FIP1L1: variants seen among roughly 807,000 people sequenced by gnomAD.
FIP1L1 encodes pre-mRNA 3'-end-processing factor FIP1.
A neutral mutation model predicts 84.6 loss-of-function variants in FIP1L1; 21 were observed. The ratio of observed to expected loss-of-function variants is 0.25; its 90% CI spans 0.18 to 0.36. The LOEUF (loss-of-function observed/expected upper bound fraction) is 0.36. Among genes scored for constraint, FIP1L1 ranks in the 10% least tolerant of loss-of-function variants. FIP1L1 has a pLI of 1.00. For missense variants in FIP1L1, 526 were observed against 751.1 expected (o/e 0.70, Z 3.50); for synonymous variants, 263 against 242.3 (o/e 1.09, Z -0.80).
chr4:53,391,374 G>T, intron 8 of FIP1L1, 56 bp from the exon 9 acceptor site: 1 of 1,435,438 alleles, frequency 7.0e-7, no homozygotes, highest in Non-Finnish European at 9.8e-7. Context: ...TCTTTATATG[G>T]CCTATTAATT....
chr4:53,388,681 C>G (rs1286923429), intron 5 of FIP1L1, among the ~76,000 whole-genome samples: 1 of 152,120 alleles, frequency 6.6e-6, no homozygotes, highest in African/African-American at 2.4e-5. Context: ...CCTTCTTTGC[C>G]CATTCCCGTT....
At chr4:53,458,578 C>T (rs1720730970) in intron 16 of FIP1L1, 75 bp from the exon 17 acceptor site, 1 of 1,478,868 alleles carries the variant, frequency 6.8e-7, no homozygotes, top group Non-Finnish European at 9.1e-7. Flanking sequence ...CTGCAGATCA[C>T]ATCTCTTTTA....
At chr4:53,448,785 C>G (rs761866264) in intron 15 of FIP1L1, among the ~76,000 whole-genome samples, 1 of 152,074 alleles carries the variant, frequency 6.6e-6, no homozygotes, top group Non-Finnish European at 1.5e-5. Context: ...TGATCAAGGA[C>G]TTTCTCTCCA....
At chr4:53,377,984 A>G in intron 1 of FIP1L1, 61 bp downstream of exon 1, 1 of 1,389,152 alleles carries the variant, frequency 7.2e-7, no homozygotes, top group African/African-American at 1.5e-5. Context: ...TGGCCCTCAA[A>G]CGGCCGGCGT....
intron 10 of FIP1L1, among the ~76,000 whole-genome samples, chr4:53,409,071 C>G (rs1755548576): frequency 6.6e-6 from 1 of 152,176 alleles, no homozygotes; most frequent in Non-Finnish European, 1.5e-5. Context: ...GAGAGGCACT[C>G]TGCTTTTTAG....
At chr4:53,394,495 A>G (rs552635734) in intron 9 of FIP1L1, among the ~76,000 whole-genome samples, 2 of 152,230 alleles carry the variant, frequency 1.3e-5, no homozygotes, top group African/African-American at 2.4e-5. Flanking sequence ...CCAGTATTCT[A>G]TCTAGAGGGT....
chr4:53,429,843 T>C (rs1296249560), intron 13 of FIP1L1, among the ~76,000 whole-genome samples: 2 of 152,184 alleles, frequency 1.3e-5, no homozygotes, highest in African/African-American at 4.8e-5. Flanking sequence ...TTTTGAAATA[T>C]ACGGTTATTA....
chr4:53,419,247 T>G (rs1761120585), intron 11 of FIP1L1, among the ~76,000 whole-genome samples: 1 of 152,154 alleles, frequency 6.6e-6, no homozygotes, highest in Non-Finnish European at 1.5e-5. Flanking sequence ...GTTTTTTTGT[T>G]TTGTTTTAAA....
chr4:53,381,866 C>G (rs564108926), intron 3 of FIP1L1, among the ~76,000 whole-genome samples: 1 of 146,376 alleles, frequency 6.8e-6, no homozygotes, highest in South Asian at 2.2e-4. Flanking sequence ...TGGGTTCAAG[C>G]AATTGTCTGC....
At chr4:53,396,136 C>G (rs1372439299) in intron 9 of FIP1L1, among the ~76,000 whole-genome samples, 2 of 152,078 alleles carry the variant, frequency 1.3e-5, no homozygotes, top group Non-Finnish European at 2.9e-5. Flanking sequence ...CCAGGCTGGT[C>G]TCTAACTTCT....
chr4:53,390,796 G>C (rs1743872875), intron 7 of FIP1L1, among the ~76,000 whole-genome samples, 168 bp downstream of exon 7: 1 of 152,076 alleles, frequency 6.6e-6, no homozygotes, highest in Non-Finnish European at 1.5e-5. Flanking sequence ...TGGTGGCCTT[G>C]TATTACTTAA....
intron 11 of FIP1L1, among the ~76,000 whole-genome samples, chr4:53,415,209 CTTA>C (rs895545200): frequency 4.6e-5 from 7 of 152,168 alleles, no homozygotes; most frequent in Non-Finnish European, 1.0e-4. Context: ...TGCTATTTCC[CTTA>C]TTGTTGTTAT....
At chr4:53,430,221 CAAAT>C (rs1765964961) in intron 13 of FIP1L1, among the ~76,000 whole-genome samples, 1 of 150,738 alleles carries the variant, frequency 6.6e-6, no homozygotes, top group South Asian at 2.1e-4. Context: ...TTAATGACAA[CAAAT>C]ACTTAGCTGG....
intron 13 of FIP1L1, among the ~76,000 whole-genome samples, chr4:53,430,964 ACT>A (rs1349718399): frequency 1.6e-4 from 24 of 152,012 alleles, no homozygotes; most frequent in African/African-American, 5.5e-4. Flanking sequence ...TGAAGTTGAG[ACT>A]CTCTGAATTG....
chr4:53,407,581 C>T (rs561078772), intron 10 of FIP1L1, among the ~76,000 whole-genome samples: 2 of 151,422 alleles, frequency 1.3e-5, no homozygotes, highest in East Asian at 1.9e-4. Context: ...CTTTCTGTCT[C>T]GTTGGTCTGT....
intron 13 of FIP1L1, among the ~76,000 whole-genome samples, chr4:53,437,326 CAAAAAAAAAAAA>C (rs55957570): frequency 9.5e-4 from 61 of 64,506 alleles, no homozygotes; most frequent in South Asian, 3.8e-3. Context: ...CTGTCTCAAC[CAAAAAAAAAAAA>C]AAAAAAAAAA....
At chr4:53,408,792 C>T (rs756985548) in intron 10 of FIP1L1, among the ~76,000 whole-genome samples, 17 of 152,150 alleles carry the variant, frequency 1.1e-4, no homozygotes, top group Non-Finnish European at 2.2e-4. Context: ...CACCTCGGCT[C>T]CTGAGGCTTC....
Position 53,444,026 on chromosome 4 carries a change from AATAT to A in FIP1L1, c.1230-19_1230-16del. On this transcript the variant is annotated intron_variant, in intron 14 of 17. Coordinates refer to ENST00000337488, the MANE Select transcript of FIP1L1 (RefSeq NM_030917.4). The stretch of plus-strand genomic sequence containing the variant: ...AGAACTTATTTGTACCAGACATAAA[AATAT>A]ATCTTTTTCTTCAACAGTGGACATT... 6.3e-7 allele frequency: 1 copy of A among 1,578,368 alleles called. No individual in the cohort carries two copies. The highest frequency in any genetic ancestry group is 2.2e-5 in the East Asian group (1 of 44,524).
At chr4:53,413,119 T>C (rs909949247) in intron 10 of FIP1L1, among the ~76,000 whole-genome samples, 24 of 152,086 alleles carry the variant, frequency 1.6e-4, no homozygotes, top group African/African-American at 4.8e-4. Flanking sequence ...AGATTGTTCC[T>C]CTTCAAACTT....
Sources: gnomAD v4.1 joint callset for allele counts (sites outside exome capture counted in the v4.1 genomes callset) on GRCh38, gnomAD v4.1.1 for gene constraint, MANE v1.5 for transcripts, NCBI Gene and HGNC (gene_info 2026-07-23, HGNC 2026-07-21) for gene names.